The following LGR5 variants were observed in gnomAD, a reference collection of about 807,000 sequenced individuals.
LGR5 encodes leucine rich repeat containing G protein-coupled receptor 5, also known as leucine-rich repeat-containing G protein-coupled receptor 5.
LGR5 carries 54 observed loss-of-function variants against 76.7 expected under a neutral mutation model. That is an observed-to-expected ratio of 0.70 (90% confidence interval 0.57 to 0.88). LGR5 has a LOEUF of 0.88. Among genes scored for constraint, LGR5 ranks in the 40% least tolerant of loss-of-function variants. LGR5 has a pLI of 0.00. For missense variants in LGR5, 1,078 were observed against 1,073.3 expected (o/e 1.00, Z -0.06); for synonymous variants, 406 against 421.9 (o/e 0.96, Z 0.46).
intron 5 of LGR5, among the ~76,000 whole-genome samples, chr12:71,556,325 A>T (rs995972741): frequency 1.5e-4 from 21 of 143,232 alleles, no homozygotes; most frequent in African/African-American, 3.9e-4. Flanking sequence ...CTTAAAAATT[A>T]AAAAAAAAAA....
intron 4 of LGR5, among the ~76,000 whole-genome samples, chr12:71,535,599 A>C (rs549626164): frequency 6.6e-6 from 1 of 152,266 alleles, no homozygotes; most frequent in East Asian, 1.9e-4. Flanking sequence ...CTTGTAATCA[A>C]GTTTTTTCGA....
intron 1 of LGR5, among the ~76,000 whole-genome samples, chr12:71,458,885 G>T (rs1565657951): frequency 2.0e-5 from 3 of 151,618 alleles, no homozygotes; most frequent in Middle Eastern, 3.4e-3. Flanking sequence ...TGGCAAACAG[G>T]AGTGCACTAA....
intron 1 of LGR5, among the ~76,000 whole-genome samples, chr12:71,491,014 T>C (rs1370705673): frequency 6.6e-6 from 1 of 152,164 alleles, no homozygotes; most frequent in Non-Finnish European, 1.5e-5. Flanking sequence ...TTTCCAATGC[T>C]GTTCTCCTGA....
chr12:71,461,122 C>A (rs1872668468), intron 1 of LGR5, among the ~76,000 whole-genome samples: 1 of 152,130 alleles, frequency 6.6e-6, no homozygotes, highest in Admixed American at 6.6e-5. Context: ...CACAGTTTAG[C>A]CTTATCTAGA....
At chr12:71,469,375 C>T (rs546757298) in intron 1 of LGR5, among the ~76,000 whole-genome samples, 2 of 152,370 alleles carry the variant, frequency 1.3e-5, no homozygotes, top group East Asian at 3.9e-4. Flanking sequence ...ACAGGGCAAA[C>T]TCCTGGCGTC....
Position 71,526,530 on chromosome 12 carries a change from T to C in LGR5, c.356+2053T>C, listed in dbSNP as rs543597808. On this transcript the variant is annotated intron_variant, in intron 3 of 17. Coordinates refer to ENST00000266674, the MANE Select transcript of LGR5 (RefSeq NM_003667.4). ...GTACAGTCAAGGGTTCAGCAAAGCC[T>C]AGTGCGTGTGATACTCAAATTAGCA... Among the ~76,000 whole-genome samples the C allele has an allele frequency of 2.0e-5, 3 of 152,294 alleles. No individual in the cohort carries two copies. In the South Asian group the frequency reaches 6.2e-4, roughly 32 times the overall value.
chr12:71,447,975 G>A (rs369758825), intron 1 of LGR5, among the ~76,000 whole-genome samples: 4 of 151,826 alleles, frequency 2.6e-5, no homozygotes, highest in African/African-American at 9.7e-5. Flanking sequence ...CCTTTTTTCC[G>A]TGTTGCTCAT....
At chr12:71,474,201 T>C (rs1873226177) in intron 1 of LGR5, among the ~76,000 whole-genome samples, 1 of 151,980 alleles carries the variant, frequency 6.6e-6, no homozygotes, top group Admixed American at 6.6e-5. Context: ...TATCAACTAA[T>C]AACCCAAAAA....
Position 71,585,000 on chromosome 12 carries a change from A to C in LGR5, c.*266A>C, listed in dbSNP as rs945870722. ...AGCCCAGATCAAAAAAGCAGATTGA[A>C]ATTTTCTTTAGAAAAGATTCTCCAT... On this transcript the variant is annotated 3_prime_UTR_variant, in exon 18 of 18. Coordinates refer to ENST00000266674, the MANE Select transcript of LGR5 (RefSeq NM_003667.4). 5.0e-5 allele frequency: 18 copies of C among 363,220 alleles called. No homozygotes were observed. Among genetic ancestry groups the C allele is most frequent in the Non-Finnish European group, 7.9e-5 (16 of 202,574 alleles). 22.5% of individuals were successfully genotyped at this position (363,220 alleles called of 1,614,324 possible). A position where few individuals can be genotyped will look rare whatever the true frequency, so the allele number is the denominator to read the frequency against.
intron 8 of LGR5, among the ~76,000 whole-genome samples, chr12:71,564,833 TAC>T (rs199498019): frequency 0.078 from 11,703 of 149,738 alleles, 713 homozygotes; most frequent in Non-Finnish European, 0.12. Context: ...CACATATATG[TAC>T]ACACACACTG....
intron 3 of LGR5, among the ~76,000 whole-genome samples, chr12:71,531,950 T>C (rs1437302134): frequency 6.6e-6 from 1 of 152,150 alleles, no homozygotes; most frequent in Non-Finnish European, 1.5e-5. Context: ...CAGAGAAAGT[T>C]CGCAACTATT....
intron 2 of LGR5, 51 bp from the exon 3 acceptor site, chr12:71,524,355 T>G (rs1040057822): frequency 4.6e-6 from 6 of 1,299,470 alleles, no homozygotes; most frequent in Non-Finnish European, 6.6e-6. Flanking sequence ...CTAAATGACT[T>G]CCACATGAAG....
intron 1 of LGR5, among the ~76,000 whole-genome samples, chr12:71,469,431 C>T (rs1436663885): frequency 1.3e-5 from 2 of 152,208 alleles, no homozygotes; most frequent in Non-Finnish European, 2.9e-5. Flanking sequence ...GTGTGCTGGG[C>T]GGGCCTGTCA....
At chr12:71,537,373 G>C in intron 4 of LGR5, among the ~76,000 whole-genome samples, 1 of 152,112 alleles carries the variant, frequency 6.6e-6, no homozygotes, top group East Asian at 1.9e-4. Context: ...GGAGGCTGAA[G>C]CAGGAGGATC....
chr12:71,543,672 A>T (rs2137386570), intron 4 of LGR5, among the ~76,000 whole-genome samples: 1 of 152,358 alleles, frequency 6.6e-6, no homozygotes, highest in East Asian at 1.9e-4. Context: ...AGGGAGATTA[A>T]TCTGGCAGCA....
At chr12:71,573,097 A>C (rs1299997273) in intron 13 of LGR5, 176 bp downstream of exon 13, 3 of 522,442 alleles carry the variant, frequency 5.7e-6, no homozygotes, top group African/African-American at 1.9e-5. Context: ...ATCTAAAAGT[A>C]GTAAATTTGC....
At chr12:71,490,041 C>G (rs533726409) in intron 1 of LGR5, among the ~76,000 whole-genome samples, 1 of 151,834 alleles carries the variant, frequency 6.6e-6, no homozygotes, top group African/African-American at 2.4e-5. Flanking sequence ...GAGGTGGGAG[C>G]ATCACTTGAG....
intron 2 of LGR5, among the ~76,000 whole-genome samples, chr12:71,522,784 A>G (rs188071061): frequency 8.5e-5 from 13 of 152,312 alleles, no homozygotes; most frequent in Admixed American, 2.6e-4. Context: ...ACAAATGACT[A>G]CAAGACAAGG....
rs146287976 is a variant in LGR5 at position 71,553,121 on chromosome 12, T to C, written c.477T>C (p.Ser159=). The C allele has an allele frequency of 1.2e-6, 2 of 1,613,950 alleles. No individual in the cohort carries two copies. Among genetic ancestry groups the C allele is most frequent in the Non-Finnish European group, 1.7e-6 (2 of 1,180,026 alleles). The part of the protein sequence containing the change: ...HISYVPPSCF[S]GLHSLRHLWL... Reference sequence around the variant, plus strand: ...GCTATGTGCCCCCAAGCTGTTTCAGTGGCCTGCATTCCCTGAGGCACCTGT... The same window carrying C: ...GCTATGTGCCCCCAAGCTGTTTCAGCGGCCTGCATTCCCTGAGGCACCTGT... The change falls in exon 5 of 18, where the codon AGT becomes AGC. Residue 159 remains serine, a synonymous_variant. Transcript: ENST00000266674.
Sources: allele counts gnomAD v4.1 joint callset (sites outside exome capture counted in the v4.1 genomes callset), GRCh38; gene constraint gnomAD v4.1.1; transcripts MANE v1.5; gene names NCBI Gene and HGNC (gene_info 2026-07-23, HGNC 2026-07-21).